Variants in SPECC1 observed in about 807,000 individuals in gnomAD.
SPECC1 encodes the protein sperm antigen with calponin homology and coiled-coil domains 1.
A neutral mutation model predicts 104.1 loss-of-function variants in SPECC1; 62 were observed. The ratio of observed to expected loss-of-function variants is 0.60; its 90% CI spans 0.49 to 0.74. The LOEUF is 0.74. SPECC1 is among the 30% of genes least tolerant of loss of function. SPECC1 has a pLI of 0.00. For missense variants in SPECC1, 1,306 were observed against 1,310.5 expected, an observed-to-expected ratio of 1.00 and a Z score of 0.05; for synonymous variants, 513 against 501.6, an observed-to-expected ratio of 1.02 and a Z score of -0.30.
At chr17:20,293,578 T>C (rs2041242803) in intron 12 of SPECC1, among the ~76,000 whole-genome samples, 1 of 152,212 alleles carries the variant, frequency 6.6e-6, no homozygotes, top group Non-Finnish European at 1.5e-5. Context: ...TTTCCAACTT[T>C]GCTGGCTTCA....
chr17:20,247,402 G>T, intron 9 of SPECC1, 83 bp downstream of exon 9: 4 of 820,020 alleles, frequency 4.9e-6, no homozygotes, highest in Non-Finnish European at 8.0e-6. Context: ...ATTAGTGTCC[G>T]TGTGTGTATG....
intron 12 of SPECC1, among the ~76,000 whole-genome samples, chr17:20,278,254 T>C (rs2040640275): frequency 6.6e-6 from 1 of 152,200 alleles, no homozygotes; most frequent in South Asian, 2.1e-4. Flanking sequence ...AGTGTTTTGA[T>C]TGCCAACAAT....
chr17:20,034,421 A>G (rs573836375), intron 1 of SPECC1, among the ~76,000 whole-genome samples: 1 of 151,932 alleles, frequency 6.6e-6, no homozygotes, highest in African/African-American at 2.4e-5. Context: ...TTACTAAAAA[A>G]ATGTCAAACC....
intron 12 of SPECC1, among the ~76,000 whole-genome samples, chr17:20,287,245 G>A (rs888291726): frequency 2.0e-5 from 3 of 151,986 alleles, no homozygotes; most frequent in East Asian, 1.9e-4. Flanking sequence ...GTGAAACCCC[G>A]TCTCTACGAA....
At chr17:20,195,268 A>T (rs985773378) in intron 3 of SPECC1, among the ~76,000 whole-genome samples, 2 of 152,242 alleles carry the variant, frequency 1.3e-5, no homozygotes, top group African/African-American at 4.8e-5. Flanking sequence ...TCTCTGGATG[A>T]TAAAAAGCTT....
intron 10 of SPECC1, among the ~76,000 whole-genome samples, chr17:20,254,134 C>CGTGTGTGTGT (rs71357419): frequency 0.04 from 5,425 of 135,868 alleles, 220 homozygotes; most frequent in African/African-American, 0.083. Flanking sequence ...GTTGTTACAC[C>CGTGTGTGTGT]GTGTGTGTGT....
chr17:20,078,835 C>T (rs1462572269), intron 1 of SPECC1, among the ~76,000 whole-genome samples: 2 of 152,124 alleles, frequency 1.3e-5, no homozygotes, highest in African/African-American at 4.8e-5. Context: ...TCCTGTGTCA[C>T]CTCTGGAGAG....
At chr17:20,193,198 C>T (rs1044025024) in intron 3 of SPECC1, among the ~76,000 whole-genome samples, 1 of 152,158 alleles carries the variant, frequency 6.6e-6, no homozygotes, top group African/African-American at 2.4e-5. Context: ...GACCAGAGGT[C>T]ACTCTTGTGG....
At chr17:20,063,621 A>G (rs1052599846) in intron 1 of SPECC1, among the ~76,000 whole-genome samples, 2 of 152,222 alleles carry the variant, frequency 1.3e-5, no homozygotes, top group African/African-American at 4.8e-5. Context: ...ACAAAGGTTC[A>G]AAGATAGTTG....
chr17:20,221,062 G>A (rs574903314), intron 4 of SPECC1, among the ~76,000 whole-genome samples: 1 of 152,226 alleles, frequency 6.6e-6, no homozygotes, highest in Non-Finnish European at 1.5e-5. Flanking sequence ...AATTTGGTTT[G>A]CTAGGATTTT....
At chr17:20,077,553 G>A (rs1255834293) in intron 1 of SPECC1, among the ~76,000 whole-genome samples, 1 of 151,838 alleles carries the variant, frequency 6.6e-6, no homozygotes, top group Non-Finnish European at 1.5e-5. Context: ...CACAACCTCT[G>A]CCTCCCAGGT....
intron 14 of SPECC1, among the ~76,000 whole-genome samples, chr17:20,312,871 GAATCAGGGGATGAATGGCTC>G (rs1200006858): frequency 6.6e-6 from 1 of 152,168 alleles, no homozygotes; most frequent in Non-Finnish European, 1.5e-5. Context: ...TTCAGATTTT[GAATCAGGGGATGAATGGCTC>G]ATTAACAGCC....
At chr17:20,162,766 G>A (rs1453784838) in intron 3 of SPECC1, among the ~76,000 whole-genome samples, 3 of 152,110 alleles carry the variant, frequency 2.0e-5, no homozygotes, top group Non-Finnish European at 1.5e-5. Context: ...AGTGGCTCAC[G>A]CCTGTAATCG....
intron 11 of SPECC1, among the ~76,000 whole-genome samples, chr17:20,257,938 G>C (rs1408766878): frequency 6.6e-6 from 1 of 152,230 alleles, no homozygotes; most frequent in East Asian, 1.9e-4. Flanking sequence ...AGTGATCAGG[G>C]AATGTGGGTG....
chr17:20,125,747 C>T (rs138034892), intron 3 of SPECC1, among the ~76,000 whole-genome samples: 4 of 152,314 alleles, frequency 2.6e-5, no homozygotes, highest in Admixed American at 1.3e-4. Flanking sequence ...TCTGGATAGC[C>T]ACACTTTGTT....
intron 3 of SPECC1, among the ~76,000 whole-genome samples, chr17:20,198,168 C>T (rs2151313289): frequency 6.6e-6 from 1 of 152,312 alleles, no homozygotes; most frequent in East Asian, 1.9e-4. Context: ...AGACATTAGC[C>T]ACTCTGCTTA....
At chr17:20,209,461 A>C (rs907168047) in intron 4 of SPECC1, among the ~76,000 whole-genome samples, 4 of 152,230 alleles carry the variant, frequency 2.6e-5, no homozygotes, top group African/African-American at 9.6e-5. Flanking sequence ...AAAAGCCTTG[A>C]AAAGTACTTT....
rs146570968 is a variant in SPECC1 at position 20,119,158 on chromosome 17, A to G, written c.283+8596A>G. Among the ~76,000 whole-genome samples the G allele has an allele frequency of 1.6e-3, 240 of 152,374 alleles. 2 individuals are homozygous for G. The highest frequency in any genetic ancestry group is 5.4e-3 in the African/African-American group (225 of 41,586). Reference sequence around the variant, plus strand: ...TAGTTATACAAATTGTTTGTCAGTTACTTCATTTAAGTGAAATTAAATTAT... The same window carrying G: ...TAGTTATACAAATTGTTTGTCAGTTGCTTCATTTAAGTGAAATTAAATTAT... On this transcript the variant is annotated intron_variant, in intron 3 of 14. Transcript: ENST00000395527.
At chr17:20,044,585 A>G (rs1018225948) in intron 1 of SPECC1, among the ~76,000 whole-genome samples, 3 of 152,254 alleles carry the variant, frequency 2.0e-5, no homozygotes, top group African/African-American at 7.2e-5. Flanking sequence ...TAGCAATAAA[A>G]TGAAAGAAGA....
Sources: gnomAD v4.1 joint callset for allele counts (sites outside exome capture counted in the v4.1 genomes callset) on GRCh38, gnomAD v4.1.1 for gene constraint, MANE v1.5 for transcripts, NCBI Gene and HGNC (gene_info 2026-07-23, HGNC 2026-07-21) for gene names.